The following HDX variants were observed in gnomAD, a reference collection of about 807,000 sequenced individuals.
HDX encodes highly divergent homeobox, also known as chromosome X open reading frame 43.
In HDX, 19 loss-of-function variants were observed where a neutral mutation model predicts 45.2. The observed-to-expected ratio is 0.42, with a 90% CI of 0.29 to 0.62. The LOEUF is 0.62. Ranked by LOEUF, HDX falls within the 20% of genes least tolerant of loss-of-function variation. HDX has a pLI of 0.20. For missense variants in HDX, 532 were observed against 493.9 expected, an observed-to-expected ratio of 1.08 and a Z score of -0.73; for synonymous variants, 188 against 172.8, an observed-to-expected ratio of 1.09 and a Z score of -0.69.
At chrX:84,336,913 T>G (rs1326331012) in intron 7 of HDX, 33 bp from the exon 8 acceptor site, 5 of 968,223 alleles carry the variant, frequency 5.2e-6, no homozygotes, top group Non-Finnish European at 7.2e-6. Context: ...TTCATTTTCA[T>G]TTCGCAAAAC....
intron 5 of HDX, among the ~76,000 whole-genome samples, chrX:84,388,886 C>G (rs1433508958): frequency 9.0e-6 from 1 of 111,525 alleles, no homozygotes; most frequent in South Asian, 3.8e-4. Flanking sequence ...AAGGGACACT[C>G]TGGCTTTTTT....
chrX:84,405,386 A>C (rs756245727), intron 5 of HDX, among the ~76,000 whole-genome samples: 11 of 110,309 alleles, frequency 1.0e-4, no homozygotes, highest in Non-Finnish European at 3.8e-5. Flanking sequence ...AACTATTTTA[A>C]AAGTCCACCC....
At chrX:84,445,584 A>G (rs1271259073) in intron 4 of HDX, among the ~76,000 whole-genome samples, 1 of 111,100 alleles carries the variant, frequency 9.0e-6, no homozygotes, top group African/African-American at 3.3e-5. Context: ...GTGACAATAT[A>G]TATGAGACTA....
At chrX:84,389,033 T>C (rs978541192) in intron 5 of HDX, among the ~76,000 whole-genome samples, 1 of 112,021 alleles carries the variant, frequency 8.9e-6, no homozygotes, top group African/African-American at 3.2e-5. Context: ...TCCTTATGTA[T>C]GGGTGAATTA....
intron 5 of HDX, among the ~76,000 whole-genome samples, chrX:84,430,830 T>C (rs1245901995): frequency 9.0e-6 from 1 of 110,541 alleles, no homozygotes; most frequent in Non-Finnish European, 1.9e-5. Flanking sequence ...TCTCCCTCTT[T>C]CTTTCTTCTC....
intron 2 of HDX, among the ~76,000 whole-genome samples, chrX:84,478,173 T>C (rs1203964607): frequency 8.9e-6 from 1 of 112,071 alleles, no homozygotes. Flanking sequence ...TTAGTACAAC[T>C]AGGCTCTTAA....
chrX:84,411,049 T>C (rs962208791), intron 5 of HDX, among the ~76,000 whole-genome samples: 2 of 111,758 alleles, frequency 1.8e-5, no homozygotes, highest in East Asian at 2.8e-4. Context: ...ATTTGGATCT[T>C]CTTTTTATTC....
chrX:84,487,607 G>A lies in HDX; in HGVS notation c.-1+417C>T, dbSNP rs1415816666. 1.3e-4 allele frequency among the ~76,000 whole-genome samples: 15 copies of A among 111,450 alleles called. No individual in the cohort carries two copies. In the South Asian group the frequency reaches 1.5e-3, roughly 11 times the overall value. On this transcript the variant is annotated intron_variant, in intron 2 of 10. Transcript: ENST00000373177. ...TTCCAAAGCCTCTGCTATCTATTTC[G>A]AATCTGTCCCACTCCTGAACAACTC...
chrX:84,487,079 C>A (rs2040810130), intron 2 of HDX, among the ~76,000 whole-genome samples: 1 of 111,598 alleles, frequency 9.0e-6, no homozygotes, highest in African/African-American at 3.3e-5. Context: ...TCTTAAAGTT[C>A]ACTGACTGTT....
intron 5 of HDX, among the ~76,000 whole-genome samples, chrX:84,408,787 T>A (rs4828261): frequency 0.11 from 12,415 of 109,606 alleles, 626 homozygotes; most frequent in South Asian, 0.28. Context: ...ACCTCCTTGG[T>A]TAGCTGTATT....
At chrX:84,456,534 A>G (rs1315667593) in intron 4 of HDX, among the ~76,000 whole-genome samples, 1 of 111,401 alleles carries the variant, frequency 9.0e-6, no homozygotes, top group Non-Finnish European at 1.9e-5. Context: ...TTACTTATCA[A>G]TAACAATATT....
chrX:84,436,378 A>AACTT (rs2039635996), intron 5 of HDX, among the ~76,000 whole-genome samples: 2 of 109,001 alleles, frequency 1.8e-5, no homozygotes, highest in African/African-American at 6.7e-5. Flanking sequence ...TGTACCCTAA[A>AACTT]ACTTAAAGTA....
chrX:84,387,724 G>A (rs973805454), intron 5 of HDX, among the ~76,000 whole-genome samples: 6 of 111,537 alleles, frequency 5.4e-5, no homozygotes, highest in Non-Finnish European at 9.4e-5. Flanking sequence ...CATGTGAGAT[G>A]GATCTCTTGA....
intron 1 of HDX, among the ~76,000 whole-genome samples, chrX:84,495,148 G>C (rs2040974516): frequency 9.1e-6 from 1 of 109,579 alleles, no homozygotes. Flanking sequence ...AAAAAAAAAA[G>C]TCAAATTCAT....
intron 5 of HDX, among the ~76,000 whole-genome samples, chrX:84,425,769 T>C (rs889812303): frequency 2.5e-4 from 27 of 109,712 alleles, no homozygotes; most frequent in Non-Finnish European, 4.9e-4. Context: ...ATTTAATGCA[T>C]GAACATAGAG....
At position 84,321,507 on chromosome X, in the gene HDX, A is replaced by C. The variant is rs1478913631; in HGVS notation, c.*382T>G. 8.9e-6 allele frequency: 1 copy of C among 112,577 alleles called. No individual in the cohort carries two copies. Among genetic ancestry groups the C allele is most frequent in the Non-Finnish European group, 1.9e-5 (1 of 53,650 alleles). The allele number at this position is 112,577 out of a possible 1,213,427, so 9.3% of individuals were successfully genotyped here. Reference sequence around the variant, plus strand: ...ATGATAGGAAAAGGAGAGAAGAAGAAAGAAGATGTAATGGCTACAAAAACA... The same window carrying C: ...ATGATAGGAAAAGGAGAGAAGAAGACAGAAGATGTAATGGCTACAAAAACA... On this transcript the variant is annotated 3_prime_UTR_variant, in exon 11 of 11. Transcript: ENST00000373177.
chrX:84,344,806 T>C (rs2037162597), intron 6 of HDX, among the ~76,000 whole-genome samples: 1 of 111,146 alleles, frequency 9.0e-6, no homozygotes, highest in Admixed American at 9.6e-5. Flanking sequence ...CTTTAAAATA[T>C]TTATTAGCAG....
intron 6 of HDX, among the ~76,000 whole-genome samples, chrX:84,346,107 C>G (rs187482341): frequency 9.0e-6 from 1 of 110,501 alleles, no homozygotes; most frequent in Admixed American, 9.7e-5. Context: ...CTTAACACTG[C>G]TCAAAAAAAG....
At chrX:84,486,993 A>AT (rs1438973173) in intron 2 of HDX, among the ~76,000 whole-genome samples, 1 of 111,347 alleles carries the variant, frequency 9.0e-6, no homozygotes, top group Non-Finnish European at 1.9e-5. Flanking sequence ...ATATCATCCC[A>AT]TAGGGCTTGA....
Sources: allele counts gnomAD v4.1 joint callset (sites outside exome capture counted in the v4.1 genomes callset), GRCh38; gene constraint gnomAD v4.1.1; transcripts MANE v1.5; gene names NCBI Gene and HGNC (gene_info 2026-07-23, HGNC 2026-07-21).